Variants in ARHGAP32 observed in about 807,000 individuals in gnomAD.
The protein encoded by ARHGAP32 is Rho GTPase activating protein 32.
In ARHGAP32, 51 loss-of-function variants were observed where a neutral mutation model predicts 186.5. That is an observed-to-expected ratio of 0.27 (90% CI 0.22 to 0.35). ARHGAP32 has a LOEUF of 0.35. Among genes scored for constraint, ARHGAP32 ranks in the 10% least tolerant of loss-of-function variants. The pLI is 1.00. For missense variants in ARHGAP32, 2,186 were observed against 2,623.5 expected (o/e 0.83, Z 3.64); for synonymous variants, 950 against 964.3 (o/e 0.99, Z 0.27).
At chr11:129,012,406 T>C (rs1199625960) in intron 11 of ARHGAP32, among the ~76,000 whole-genome samples, 1 of 152,212 alleles carries the variant, frequency 6.6e-6, no homozygotes, top group Non-Finnish European at 1.5e-5. Context: ...CTCTATCCAC[T>C]TTAAAAGGCT....
At position 129,187,055 on chromosome 11, in the gene ARHGAP32, T is replaced by A. The variant is rs1448507630; in HGVS notation, c.116+5028A>T. On this transcript the variant is annotated intron_variant, in intron 1 of 22. Coordinates refer to ENST00000682385, the MANE Select transcript of ARHGAP32 (RefSeq NM_001378024.1). ...AGGAAATCAGTCTACTGAAGAGGTA[T>A]CTGCACTCCCATATTTGTTGCAGCA... 2.0e-5 allele frequency among the ~76,000 whole-genome samples: 3 copies of A among 152,310 alleles called. No homozygotes were observed. In the East Asian group the frequency reaches 5.8e-4, roughly 29 times the overall value.
At chr11:129,227,410 T>G (rs1438723265) in intron 1 of ARHGAP32, among the ~76,000 whole-genome samples, 4 of 151,670 alleles carry the variant, frequency 2.6e-5, no homozygotes, top group Non-Finnish European at 5.9e-5. Context: ...AAATCCTATC[T>G]TATCAGTAAC....
chr11:129,172,575 T>C (rs1943790769), intron 1 of ARHGAP32, among the ~76,000 whole-genome samples: 1 of 152,120 alleles, frequency 6.6e-6, no homozygotes, highest in African/African-American at 2.4e-5. Flanking sequence ...GCAAAAGAAC[T>C]AACTTCACAA....
chr11:129,078,330 C>G, intron 6 of ARHGAP32, among the ~76,000 whole-genome samples: 1 of 152,120 alleles, frequency 6.6e-6, no homozygotes, highest in East Asian at 1.9e-4. Context: ...CAAGATCTTT[C>G]CTCTGACATA....
Position 128,976,563 on chromosome 11 carries a change from C to T in ARHGAP32, c.2194G>A (p.Gly732Ser). The change falls in exon 20 of 23, where the codon GGT (glycine) becomes AGT (serine). Residue 732 changes from glycine (G) to serine (S), a missense_variant and splice_region_variant. By Grantham distance (56) the Gly-to-Ser change is moderately conservative (BLOSUM62 0). Coordinates refer to ENST00000682385, the MANE Select transcript of ARHGAP32 (RefSeq NM_001378024.1). ...ESLTSLHAVD[G>S]DSKLFRPRRP... ...AAATGACTGATGCTTTTAGTCTTACCATCAACTGCATGGAGAGATGTAAGA... is the reference window on the plus strand; with the variant it reads ...AAATGACTGATGCTTTTAGTCTTACTATCAACTGCATGGAGAGATGTAAGA... The T allele has an allele frequency of 6.2e-7, 1 of 1,612,422 alleles. No individual in the cohort carries two copies. The highest frequency in any genetic ancestry group is 8.5e-7 in the Non-Finnish European group (1 of 1,178,738).
chr11:129,026,163 G>A (rs973636674), intron 11 of ARHGAP32, among the ~76,000 whole-genome samples: 1 of 152,098 alleles, frequency 6.6e-6, no homozygotes, highest in Non-Finnish European at 1.5e-5. Context: ...TTGTGACCAT[G>A]TTGTTTCCTG....
At chr11:129,255,236 G>A (rs7924458) in intron 1 of ARHGAP32, among the ~76,000 whole-genome samples, 132,668 of 152,080 alleles carry the variant, frequency 0.87, 58,141 homozygotes, top group African/African-American at 0.95. Context: ...CGACCCACAC[G>A]TATGTGGTTT....
At chr11:129,193,682 A>ATATATTATATAATATATAT (rs1491545489), upstream of ARHGAP32, among the ~76,000 whole-genome samples, 9 of 69,754 alleles carry the variant, frequency 1.3e-4, no homozygotes, top group South Asian at 3.6e-4. Context: ...ATAATATATA[A>ATATATTATATAATATATAT]TATATATTAT....
Position 128,986,008 on chromosome 11 carries a change from G to A in ARHGAP32, c.1521C>T (p.His507=). The A allele has an allele frequency of 2.5e-6, 4 of 1,608,050 alleles. No homozygotes were observed. Among genetic ancestry groups the A allele is most frequent in the Non-Finnish European group, 3.4e-6 (4 of 1,178,108 alleles). Residue 507 remains histidine (H), a synonymous_variant, in exon 15 of 23, where the codon CAC becomes CAT. Coordinates refer to ENST00000682385, the MANE Select transcript of ARHGAP32 (RefSeq NM_001378024.1). ...HDVIQQLPPP[H]YRTLEFLMRH... ...ATTTACCCACTGTGGCTGACCTGTA[G>A]TGTGGTGGGGGGAGCTGCTGGATGA... is the stretch of plus-strand genomic sequence containing the variant.
intron 5 of ARHGAP32, among the ~76,000 whole-genome samples, chr11:129,108,565 A>G (rs1942115518): frequency 6.6e-6 from 1 of 152,190 alleles, no homozygotes; most frequent in African/African-American, 2.4e-5. Context: ...TCGATAATGT[A>G]TAGGCTAGAA....
At chr11:129,067,412 T>C (rs1424241872) in intron 6 of ARHGAP32, among the ~76,000 whole-genome samples, 1 of 152,058 alleles carries the variant, frequency 6.6e-6, no homozygotes, top group African/African-American at 2.4e-5. Context: ...ACAAGCTCAT[T>C]TTTTAAAATT....
At chr11:129,114,007 C>T (rs2135349506) in intron 5 of ARHGAP32, among the ~76,000 whole-genome samples, 1 of 152,218 alleles carries the variant, frequency 6.6e-6, no homozygotes, top group Admixed American at 6.6e-5. Context: ...TCTGCTAACA[C>T]TTATCTCTTA....
chr11:129,004,245 C>CTTTTTTTTTTT (rs71057919), intron 11 of ARHGAP32, among the ~76,000 whole-genome samples: 3 of 116,368 alleles, frequency 2.6e-5, no homozygotes, highest in African/African-American at 3.3e-5. Context: ...CAATGCTTTC[C>CTTTTTTTTTTT]TTTTTTTTTT....
In ARHGAP32 at chr11:129,217,985, G is replaced by GT. The variant is rs569970909; in HGVS notation, c.-4-53559dup. Among the ~76,000 whole-genome samples, 455 of 152,216 alleles carry GT rather than the reference G, an allele frequency of 3.0e-3. 1 individual carries two copies. Among genetic ancestry groups the GT allele is most frequent in the Admixed American group, 5.1e-3 (78 of 15,284 alleles). Reference sequence around the variant, plus strand: ...GAGAAGGACACTGGGAGAATTAAGCGTGACAATGTACACAATGGACTTAAC... The same window carrying GT: ...GAGAAGGACACTGGGAGAATTAAGCGTTGACAATGTACACAATGGACTTAAC... On this transcript the variant is annotated intron_variant, in intron 1 of 6. Coordinates refer to the ARHGAP32 transcript ENST00000525234.
intron 1 of ARHGAP32, among the ~76,000 whole-genome samples, chr11:129,253,945 G>A (rs1945220435): frequency 6.6e-6 from 1 of 152,032 alleles, no homozygotes; most frequent in African/African-American, 2.4e-5. Context: ...AGAAAAGTCG[G>A]GTTGGTTAGT....
intron 1 of ARHGAP32, among the ~76,000 whole-genome samples, chr11:129,209,359 G>A (rs1944551876): frequency 6.6e-6 from 1 of 151,472 alleles, no homozygotes; most frequent in African/African-American, 2.4e-5. Context: ...CGGAGTCTCT[G>A]GTCAGCTAAG....
rs1368955113 is a variant in ARHGAP32 at position 129,104,821 on chromosome 11, G to A, written c.445-11114C>T. Among the ~76,000 whole-genome samples, 4 of 152,124 alleles carry A rather than the reference G, an allele frequency of 2.6e-5. No individual in the cohort carries two copies. The East Asian group carries it at 7.7e-4, about 29-fold the overall frequency. ...AACTTTCTCAGTACTCCAGAAAACA[G>A]TAAAGGGTTTAGAATAACCAAGAGA... is the stretch of plus-strand genomic sequence containing the variant. On this transcript the variant is annotated intron_variant, in intron 5 of 22. Coordinates refer to ENST00000682385, the MANE Select transcript of ARHGAP32 (RefSeq NM_001378024.1).
chr11:129,133,993 A>G (rs759747292), intron 2 of ARHGAP32, among the ~76,000 whole-genome samples: 2 of 152,226 alleles, frequency 1.3e-5, no homozygotes, highest in African/African-American at 2.4e-5. Flanking sequence ...TAGATAAGGG[A>G]ACCTCGATGG....
At chr11:129,222,412 T>C (rs1468810333) in intron 1 of ARHGAP32, among the ~76,000 whole-genome samples, 1 of 152,162 alleles carries the variant, frequency 6.6e-6, no homozygotes, top group Non-Finnish European at 1.5e-5. Flanking sequence ...AACTTCAACC[T>C]TGATGTTTTA....
Sources: gnomAD v4.1 joint callset for allele counts (sites outside exome capture counted in the v4.1 genomes callset) on GRCh38, gnomAD v4.1.1 for gene constraint, MANE v1.5 for transcripts, NCBI Gene and HGNC (gene_info 2026-07-23, HGNC 2026-07-21) for gene names.